The following CAPRIN1 variants were observed in gnomAD, a reference collection of about 807,000 sequenced individuals.
CAPRIN1 encodes the protein caprin-1.
Under a neutral mutation model 100.9 loss-of-function variants are expected in CAPRIN1, and 29 were observed. The ratio of observed to expected loss-of-function variants is 0.29; its 90% CI spans 0.21 to 0.39. The LOEUF is 0.39. CAPRIN1 is among the 10% of genes least tolerant of loss of function. The pLI is 1.00. For missense variants in CAPRIN1, 795 were observed against 876.7 expected, an observed-to-expected ratio of 0.91 and a Z score of 1.18; for synonymous variants, 338 against 307.5, an observed-to-expected ratio of 1.10 and a Z score of -1.04.
intron 4 of CAPRIN1, among the ~76,000 whole-genome samples, chr11:34,076,001 A>G (rs528809331): frequency 1.3e-5 from 2 of 152,224 alleles, no homozygotes; most frequent in Non-Finnish European, 2.9e-5. Context: ...TTGTTTCATC[A>G]GTAATAGTTC....
At chr11:34,061,866 G>C (rs1020355384) in intron 2 of CAPRIN1, among the ~76,000 whole-genome samples, 1 of 151,420 alleles carries the variant, frequency 6.6e-6, no homozygotes, top group African/African-American at 2.4e-5. Context: ...AGTTACCTGG[G>C]AGTCTGAGGC....
At chr11:34,098,792 TC>T in intron 18 of CAPRIN1, 4 of 984,540 alleles carry the variant, frequency 4.1e-6, no homozygotes, top group South Asian at 4.7e-5. Flanking sequence ...AGTTATTTTA[TC>T]TGTTAAAAGT....
At chr11:34,065,414 A>G (rs563120293) in intron 2 of CAPRIN1, among the ~76,000 whole-genome samples, 1 of 152,342 alleles carries the variant, frequency 6.6e-6, no homozygotes, top group Non-Finnish European at 1.5e-5. Flanking sequence ...AATCACCCAG[A>G]AGACTCAATA....
intron 18 of CAPRIN1, chr11:34,098,992 A>G (rs748653168): frequency 1.1e-4 from 139 of 1,228,240 alleles, no homozygotes; most frequent in Non-Finnish European, 1.3e-4. Flanking sequence ...TGCTGTATCT[A>G]TTCCCAACGC....
chr11:34,073,829 A>G (rs1850852084), intron 4 of CAPRIN1, among the ~76,000 whole-genome samples: 1 of 152,198 alleles, frequency 6.6e-6, no homozygotes, highest in Non-Finnish European at 1.5e-5. Context: ...GTCTTAGTCA[A>G]CTTTGTGTTA....
At chr11:34,070,708 CTT>C (rs879551743) in intron 2 of CAPRIN1, among the ~76,000 whole-genome samples, 5 of 145,100 alleles carry the variant, frequency 3.4e-5, no homozygotes, top group Non-Finnish European at 7.6e-5. Context: ...AAAAAATACT[CTT>C]TTTTTTTTGG....
intron 6 of CAPRIN1, 64 bp from the exon 7 acceptor site, chr11:34,079,564 G>C (rs1487622654): frequency 7.5e-6 from 10 of 1,338,108 alleles, no homozygotes; most frequent in Non-Finnish European, 9.5e-6. Flanking sequence ...TAGAATGTTG[G>C]ATCTTCTTCA....
In CAPRIN1 at chr11:34,070,849, T is replaced by G. The variant is rs181111226; in HGVS notation, c.217-877T>G. ...TCCTGAGTAGCTGGGATTACAGGCA[T>G]GCACCACCATGCCCAGCTGATTTTG... is the stretch of plus-strand genomic sequence containing the variant. On this transcript the variant is annotated intron_variant, in intron 2 of 18. Coordinates refer to ENST00000341394, the MANE Select transcript of CAPRIN1 (RefSeq NM_005898.5). 7.2e-5 allele frequency among the ~76,000 whole-genome samples: 11 copies of G among 152,146 alleles called. 1 individual carries two copies. Among genetic ancestry groups the G allele is most frequent in the Admixed American group, 2.6e-4 (4 of 15,286 alleles).
chr11:34,064,132 T>C (rs371529286), intron 2 of CAPRIN1, among the ~76,000 whole-genome samples: 17 of 152,318 alleles, frequency 1.1e-4, no homozygotes, highest in African/African-American at 3.6e-4. Flanking sequence ...AATATCTTAT[T>C]TTATTTGTTT....
chr11:34,083,532 A>G (rs1251313788), intron 9 of CAPRIN1, among the ~76,000 whole-genome samples: 3 of 152,164 alleles, frequency 2.0e-5, no homozygotes. Context: ...GACTGCCTCC[A>G]GACCATCCTA....
chr11:34,071,273 A>C (rs1472724022), intron 2 of CAPRIN1, among the ~76,000 whole-genome samples: 1 of 152,054 alleles, frequency 6.6e-6, no homozygotes, highest in Non-Finnish European at 1.5e-5. Flanking sequence ...AAAAAGTTTT[A>C]TGTACTTAGG....
chr11:34,083,164 A>C, intron 9 of CAPRIN1, 123 bp downstream of exon 9: 1 of 670,470 alleles, frequency 1.5e-6, no homozygotes, highest in East Asian at 2.7e-5. Context: ...TAACAGACTC[A>C]TTACACCAGA....
chr11:34,068,074 C>T (rs977723522), intron 2 of CAPRIN1, among the ~76,000 whole-genome samples: 14 of 152,264 alleles, frequency 9.2e-5, no homozygotes, highest in African/African-American at 3.1e-4. Flanking sequence ...TTCGATGACA[C>T]TGGGGGCCTC....
chr11:34,068,690 CTA>C (rs1452404077), intron 2 of CAPRIN1, among the ~76,000 whole-genome samples: 1 of 152,192 alleles, frequency 6.6e-6, no homozygotes, highest in Non-Finnish European at 1.5e-5. Context: ...ATTAAACAAA[CTA>C]TATGTTCATT....
At chr11:34,069,719 A>G (rs1655753633) in intron 2 of CAPRIN1, among the ~76,000 whole-genome samples, 1 of 151,960 alleles carries the variant, frequency 6.6e-6, no homozygotes. Flanking sequence ...AGGCTTATAG[A>G]TGGTGTGAAA....
Position 34,090,557 on chromosome 11 carries a change from C to G in CAPRIN1, c.1433C>G (p.Thr478Ser). ...QATISLNTDQTTASSSLPAAS... is the reference protein window; with the variant it reads ...QATISLNTDQSTASSSLPAAS... The stretch of plus-strand genomic sequence containing the variant: ...ACAATCTCTTTAAATACAGACCAGA[C>G]TACAGCATCATCATCCCTTCCTGCT... The change falls in exon 14 of 19, where the codon ACT (threonine) becomes AGT (serine). Residue 478 changes from threonine to serine, a missense_variant. This residue lies in a region of CAPRIN1 where 648 missense variants were observed against 697.9 expected (regional missense o/e 0.93). Coordinates refer to ENST00000341394, the MANE Select transcript of CAPRIN1 (RefSeq NM_005898.5). 5 of 1,614,162 alleles carry G rather than the reference C, an allele frequency of 3.1e-6. No homozygotes were observed. The highest frequency in any genetic ancestry group is 4.2e-6 in the Non-Finnish European group (5 of 1,179,998).
chr11:34,079,802 C>T, intron 7 of CAPRIN1, 37 bp downstream of exon 7: 1 of 1,578,388 alleles, frequency 6.3e-7, no homozygotes, highest in African/African-American at 1.4e-5. Context: ...AGTTTAGGGT[C>T]CTGGTTTTAT....
intron 18 of CAPRIN1, 75 bp downstream of exon 18, chr11:34,097,836 T>G: frequency 6.2e-7 from 1 of 1,610,972 alleles, no homozygotes; most frequent in African/African-American, 1.3e-5. Flanking sequence ...GTTAATAGTC[T>G]GCATGTTAGG....
At chr11:34,077,582 CAG>C (rs1367940540) in intron 6 of CAPRIN1, among the ~76,000 whole-genome samples, 2 of 152,132 alleles carry the variant, frequency 1.3e-5, no homozygotes, top group African/African-American at 2.4e-5. Context: ...TCTGTGAAAT[CAG>C]GGAATAGATT....
Sources: allele counts gnomAD v4.1 joint callset (sites outside exome capture counted in the v4.1 genomes callset), GRCh38; gene constraint gnomAD v4.1.1; regional missense constraint gnomAD v4.1.1; transcripts MANE v1.5; gene names NCBI Gene and HGNC (gene_info 2026-07-23, HGNC 2026-07-21).